The following FZD3 variants were observed in gnomAD, a reference collection of about 807,000 sequenced individuals.
FZD3 encodes frizzled class receptor 3.
FZD3 carries 30 observed loss-of-function variants against 60.7 expected under a neutral mutation model. The ratio of observed to expected loss-of-function variants is 0.49; its 90% CI spans 0.37 to 0.67. FZD3 has a LOEUF of 0.67. Among genes scored for constraint, FZD3 ranks in the 30% least tolerant of loss-of-function variants. The probability of loss-of-function intolerance (pLI) is 0.00; values close to 1 mark genes in which losing one functional copy is unlikely to be tolerated. For missense variants in FZD3, 605 were observed against 838.7 expected, an observed-to-expected ratio of 0.72 and a Z score of 3.44; for synonymous variants, 246 against 275.2, an observed-to-expected ratio of 0.89 and a Z score of 1.05.
intron 1 of FZD3, among the ~76,000 whole-genome samples, chr8:28,498,805 T>A (rs1346037933): frequency 6.6e-6 from 1 of 152,216 alleles, no homozygotes; most frequent in Non-Finnish European, 1.5e-5. Flanking sequence ...CCTCAAATGA[T>A]CTGCATGCCT....
intron 5 of FZD3, among the ~76,000 whole-genome samples, chr8:28,538,193 A>T (rs1805068506): frequency 6.6e-6 from 1 of 151,532 alleles, no homozygotes; most frequent in Middle Eastern, 3.5e-3. Context: ...ATAAATAAAA[A>T]TGAATTCTAA....
intron 6 of FZD3, among the ~76,000 whole-genome samples, chr8:28,553,420 C>T (rs1805448745): frequency 6.6e-6 from 1 of 152,162 alleles, no homozygotes. Context: ...CTTTGGAAAA[C>T]TGTATTGTAA....
rs1317799982 is a variant in FZD3, at chr8:28,571,293, C to G, written c.*8282C>G. 1 of 152,178 alleles carries G rather than the reference C, an allele frequency of 6.6e-6. No homozygotes were observed. Among genetic ancestry groups the G allele is most frequent in the Non-Finnish European group, 1.5e-5 (1 of 68,028 alleles). 9.4% of individuals were successfully genotyped at this position (152,178 alleles called of 1,614,324 possible). A position where few individuals can be genotyped will look rare whatever the true frequency, so the allele number is the denominator to read the frequency against. On this transcript the variant is annotated 3_prime_UTR_variant, in exon 8 of 8. Coordinates refer to ENST00000240093, the MANE Select transcript of FZD3 (RefSeq NM_017412.4). ...CAAATGTCTTCCTTTATCCCTGCCT[C>G]AGATAATTTTTCCCTGAACTCATCT...
rs547334331 is a variant in FZD3, at chr8:28,568,621, T to G, written c.*5610T>G. On this transcript the variant is annotated 3_prime_UTR_variant, in exon 8 of 8. Transcript: ENST00000240093. The stretch of plus-strand genomic sequence containing the variant: ...TTGGTTGATTTATAAAGATTTAATA[T>G]ATAAAGATTTAATATGAGTTAAACA... The G allele has an allele frequency of 3.3e-5, 5 of 152,166 alleles. No individual in the cohort carries two copies. The highest frequency in any genetic ancestry group is 7.4e-5 in the Non-Finnish European group (5 of 68,000). 9.4% of individuals were successfully genotyped at this position (152,166 alleles called of 1,614,324 possible).
chr8:28,541,287 C>G (rs1431268708), intron 5 of FZD3, among the ~76,000 whole-genome samples: 3 of 152,242 alleles, frequency 2.0e-5, no homozygotes, highest in Non-Finnish European at 4.4e-5. Context: ...TGCTTTCACA[C>G]TGTATCCCTG....
At chr8:28,501,157 T>C (rs1199977847) in intron 2 of FZD3, among the ~76,000 whole-genome samples, 1 of 152,188 alleles carries the variant, frequency 6.6e-6, no homozygotes, top group African/African-American at 2.4e-5. Context: ...ATGTAGAACA[T>C]GAGGCGCTTT....
chr8:28,529,444 T>G lies in FZD3; in HGVS notation c.1404+1280T>G, dbSNP rs560993993. Among the ~76,000 whole-genome samples the G allele has an allele frequency of 2.6e-5, 4 of 152,318 alleles. No homozygotes were observed. The South Asian group carries it at 8.3e-4, about 32-fold the overall frequency. ...CCCCTATTACTATACTCTGAACTCT[T>G]CGCAAGAAGAACTTTTTTGTTTTTT... On this transcript the variant is annotated intron_variant, in intron 5 of 7. Coordinates refer to ENST00000240093, the MANE Select transcript of FZD3 (RefSeq NM_017412.4).
chr8:28,546,052 T>C (rs1193123155), intron 5 of FZD3, among the ~76,000 whole-genome samples: 2 of 152,244 alleles, frequency 1.3e-5, no homozygotes, highest in East Asian at 1.9e-4. Context: ...CTAGGAGCAA[T>C]AGGCTATACC....
At position 28,541,227 on chromosome 8, in the gene FZD3, G is replaced by T. The variant is rs867518644; in HGVS notation, c.1405-10376G>T. On this transcript the variant is annotated intron_variant, in intron 5 of 7. Coordinates refer to ENST00000240093, the MANE Select transcript of FZD3 (RefSeq NM_017412.4). ...TCTTCCTCAGTGTCTTGGCCCTCTG[G>T]CTCCAACACTCTGCCTGTGGCATCT... Among the ~76,000 whole-genome samples the T allele has an allele frequency of 1.1e-4, 17 of 152,200 alleles. No individual in the cohort carries two copies. The Middle Eastern group carries it at 0.014, about 122-fold the overall frequency.
chr8:28,520,278 C>A lies in FZD3; in HGVS notation c.190-360C>A, dbSNP rs75723988. Among the ~76,000 whole-genome samples the A allele has an allele frequency of 6.0e-3, 900 of 150,398 alleles. 8 individuals carry two copies. Among genetic ancestry groups the A allele is most frequent in the Admixed American group, 0.011 (167 of 15,136 alleles). On this transcript the variant is annotated intron_variant, in intron 3 of 7. Transcript: ENST00000240093. ...ACTTAAAGGAAGAAAACGAAAATTT[C>A]TTGTAATCCCATCACCAATCTAGTC...
At position 28,555,720 on chromosome 8, in the gene FZD3, T is replaced by G. The variant is rs1270656813; in HGVS notation, c.1554-18T>G. On this transcript the variant is annotated intron_variant, in intron 6 of 7. Transcript: ENST00000240093. ...GGAAGATTGGTATGTATCTTAAACT[T>G]ACTATTTTGTTGTCTAGGATAGTGA... 3 of 1,385,868 alleles carry G rather than the reference T, an allele frequency of 2.2e-6. No homozygotes were observed. Among genetic ancestry groups the G allele is most frequent in the Non-Finnish European group, 3.1e-6 (3 of 971,740 alleles). 85.8% of individuals were successfully genotyped at this position (1,385,868 alleles called of 1,614,324 possible).
intron 4 of FZD3, among the ~76,000 whole-genome samples, chr8:28,525,163 T>C (rs1426269004): frequency 6.6e-6 from 1 of 152,240 alleles, no homozygotes; most frequent in East Asian, 1.9e-4. Context: ...CATTCATTAG[T>C]TCAACACATG....
intron 5 of FZD3, among the ~76,000 whole-genome samples, chr8:28,533,332 C>T (rs944524395): frequency 6.6e-6 from 1 of 152,084 alleles, no homozygotes; most frequent in African/African-American, 2.4e-5. Flanking sequence ...CCACTGCTCC[C>T]ACCAAAGATT....
intron 7 of FZD3, 93 bp downstream of exon 7, chr8:28,556,064 G>A (rs763368984): frequency 3.3e-5 from 27 of 823,036 alleles, no homozygotes; most frequent in Admixed American, 2.6e-4. Flanking sequence ...AATAGAAGTC[G>A]AACATAATTA....
chr8:28,497,754 C>A (rs1803881481), intron 1 of FZD3, among the ~76,000 whole-genome samples: 1 of 152,158 alleles, frequency 6.6e-6, no homozygotes, highest in Non-Finnish European at 1.5e-5. Context: ...TGCAGAACCC[C>A]TTTGACAAGC....
chr8:28,544,740 A>G (rs1805255463), intron 5 of FZD3, among the ~76,000 whole-genome samples: 1 of 152,236 alleles, frequency 6.6e-6, no homozygotes. Flanking sequence ...ACCACAATTT[A>G]CATTTTTCCA....
chr8:28,529,751 A>G (rs1483443497), intron 5 of FZD3, among the ~76,000 whole-genome samples: 1 of 152,210 alleles, frequency 6.6e-6, no homozygotes, highest in Non-Finnish European at 1.5e-5. Flanking sequence ...AGACTAGGAA[A>G]AAATGAATAA....
intron 3 of FZD3, among the ~76,000 whole-genome samples, chr8:28,505,640 C>T (rs1804118855): frequency 1.1e-4 from 17 of 152,148 alleles, no homozygotes; most frequent in Admixed American, 1.0e-3. Context: ...CATGAGCCAC[C>T]GCGCCTGGCT....
At chr8:28,559,302 T>G (rs1243928282) in intron 7 of FZD3, among the ~76,000 whole-genome samples, 2 of 152,158 alleles carry the variant, frequency 1.3e-5, no homozygotes, top group Admixed American at 6.5e-5. Flanking sequence ...TTGGGAAATA[T>G]TCACAGTAAT....
Sources: allele counts gnomAD v4.1 joint callset (sites outside exome capture counted in the v4.1 genomes callset), GRCh38; gene constraint gnomAD v4.1.1; transcripts MANE v1.5; gene names NCBI Gene and HGNC (gene_info 2026-07-23, HGNC 2026-07-21).